GHR: variants seen among roughly 807,000 people sequenced by gnomAD.
The protein encoded by GHR is GH receptor.
Under a neutral mutation model 67.1 loss-of-function variants are expected in GHR, and 35 were observed. That is an observed-to-expected ratio of 0.52 (90% CI 0.40 to 0.69). The LOEUF is 0.69. Ranked by LOEUF, GHR falls within the 30% of genes least tolerant of loss-of-function variation. GHR has a pLI of 0.00. For synonymous variants in GHR, 272 were observed against 269.1 expected (o/e 1.01, Z -0.10); for missense variants, 792 against 764.6 (o/e 1.04, Z -0.42).
rs935411570 is a variant in GHR, at chr5:42,424,764, G to C, written c.-12+809G>C. Among the ~76,000 whole-genome samples the C allele has an allele frequency of 6.6e-6, 1 of 152,242 alleles. No homozygotes were observed. Among genetic ancestry groups the C allele is most frequent in the Non-Finnish European group, 1.5e-5 (1 of 68,050 alleles). On this transcript the variant is annotated intron_variant, in intron 1 of 9. Transcript: ENST00000230882. This position sits in a 1 kb window ranked among gnomAD's most constrained non-coding sequence, Gnocchi z 4.1. The stretch of plus-strand genomic sequence containing the variant: ...TGGCGGCGCAGAGGGTGCGGGGCAG[G>C]GCACTTGCGAGTGCGTGGGGAAGTC...
At chr5:42,643,967 T>C (rs1754606259) in intron 3 of GHR, among the ~76,000 whole-genome samples, 1 of 152,178 alleles carries the variant, frequency 6.6e-6, no homozygotes, top group African/African-American at 2.4e-5. Flanking sequence ...CATTTGAGAA[T>C]AACTGAATAG....
At chr5:42,644,820 A>G (rs1328116943) in intron 3 of GHR, among the ~76,000 whole-genome samples, 1 of 152,126 alleles carries the variant, frequency 6.6e-6, no homozygotes, top group Admixed American at 6.5e-5. Context: ...CATATTTTCT[A>G]TTTTTATGTT....
intron 1 of GHR, among the ~76,000 whole-genome samples, chr5:42,559,101 C>G (rs1264055493): frequency 6.6e-6 from 1 of 152,114 alleles, no homozygotes; most frequent in Non-Finnish European, 1.5e-5. Context: ...CTGTTATAGA[C>G]TTACATATTT....
At chr5:42,564,100 A>C (rs1037848539) in intron 1 of GHR, among the ~76,000 whole-genome samples, 1 of 151,388 alleles carries the variant, frequency 6.6e-6, no homozygotes, top group Non-Finnish European at 1.5e-5. Context: ...AAATCTCACA[A>C]AGTGTGAGAT....
intron 1 of GHR, among the ~76,000 whole-genome samples, chr5:42,446,764 G>A (rs1743821932): frequency 6.6e-6 from 1 of 152,178 alleles, no homozygotes; most frequent in African/African-American, 2.4e-5. Flanking sequence ...CAAATCTTTT[G>A]AGATGTCAGT....
intron 1 of GHR, among the ~76,000 whole-genome samples, chr5:42,540,168 G>T (rs1748438509): frequency 6.8e-6 from 1 of 146,232 alleles, no homozygotes; most frequent in Non-Finnish European, 1.5e-5. Context: ...TACTTGAATG[G>T]GATGTGTTAC....
intron 1 of GHR, chr5:42,565,572 T>C: frequency 1.0e-6 from 1 of 985,074 alleles, no homozygotes. Flanking sequence ...TGCATGGGGG[T>C]CGTTTGCTGT....
intron 1 of GHR, among the ~76,000 whole-genome samples, chr5:42,540,592 G>T (rs1282746254): frequency 6.6e-6 from 1 of 152,020 alleles, no homozygotes; most frequent in Admixed American, 6.6e-5. Context: ...TTATGATCAG[G>T]CTGAGCTTCA....
At chr5:42,519,569 T>G (rs1319249466) in intron 1 of GHR, among the ~76,000 whole-genome samples, 1 of 152,236 alleles carries the variant, frequency 6.6e-6, no homozygotes, top group Non-Finnish European at 1.5e-5. Flanking sequence ...TCATCCCAAG[T>G]TACCAAGAGG....
At chr5:42,454,340 G>A (rs1744171888) in intron 1 of GHR, among the ~76,000 whole-genome samples, 1 of 152,216 alleles carries the variant, frequency 6.6e-6, no homozygotes, top group East Asian at 1.9e-4. Flanking sequence ...GGATGTTGCA[G>A]GCAGTGATAT....
intron 1 of GHR, among the ~76,000 whole-genome samples, chr5:42,439,863 C>G (rs1380120186): frequency 1.3e-5 from 2 of 152,178 alleles, no homozygotes; most frequent in Admixed American, 1.3e-4. Flanking sequence ...GATTGTAGAA[C>G]ACAGATCAAA....
At chr5:42,472,654 T>A (rs1401532850) in intron 1 of GHR, among the ~76,000 whole-genome samples, 1 of 152,200 alleles carries the variant, frequency 6.6e-6, no homozygotes, top group Non-Finnish European at 1.5e-5. Flanking sequence ...GAGTGGTGGA[T>A]GGGTGACTAA....
intron 2 of GHR, among the ~76,000 whole-genome samples, chr5:42,568,785 A>T (rs1431385079): frequency 6.6e-6 from 1 of 152,232 alleles, no homozygotes; most frequent in Non-Finnish European, 1.5e-5. Context: ...AATGGTCAAG[A>T]TGCCCTGAAA....
intron 3 of GHR, among the ~76,000 whole-genome samples, chr5:42,633,744 T>C (rs1754035887): frequency 6.6e-6 from 1 of 152,226 alleles, no homozygotes; most frequent in African/African-American, 2.4e-5. Flanking sequence ...GCATTCATCT[T>C]ACACACTTTT....
chr5:42,493,598 A>G (rs1746203801), intron 1 of GHR, among the ~76,000 whole-genome samples: 2 of 152,310 alleles, frequency 1.3e-5, no homozygotes, highest in East Asian at 1.9e-4. Context: ...TGGGATCTAT[A>G]TAGAGTGATA....
At chr5:42,686,507 T>C (rs577574772) in intron 3 of GHR, among the ~76,000 whole-genome samples, 2 of 152,232 alleles carry the variant, frequency 1.3e-5, no homozygotes, top group Non-Finnish European at 2.9e-5. Context: ...ATCCCTGGAA[T>C]GCAAGGCTGG....
At position 42,611,455 on chromosome 5, in the gene GHR, A is replaced by G. The variant is rs114808940; in HGVS notation, c.71-17583A>G. Among the ~76,000 whole-genome samples the G allele has an allele frequency of 4.3e-3, 661 of 152,170 alleles. 4 individuals are homozygous for G. The highest frequency in any genetic ancestry group is 0.015 in the African/African-American group (639 of 41,510). ...TACCCACCACTATCTCTTTGTTCAT[A>G]CTGTTCTCTTCAACTAAGGTTAATT... On this transcript the variant is annotated intron_variant, in intron 2 of 9. Transcript: ENST00000230882.
intron 3 of GHR, among the ~76,000 whole-genome samples, chr5:42,661,777 A>G (rs6893384): frequency 0.066 from 10,095 of 152,230 alleles, 399 homozygotes; most frequent in Middle Eastern, 0.14. Flanking sequence ...ATGTAAATGG[A>G]CTAAATGCTC....
At position 42,565,898 on chromosome 5, in the gene GHR, G is replaced by T; in HGVS notation, c.24G>T (p.Leu8Phe). The T allele has an allele frequency of 6.2e-7, 1 of 1,614,054 alleles. No individual in the cohort carries two copies. The highest frequency in any genetic ancestry group is 1.1e-5 in the South Asian group (1 of 91,058). Residue 8 changes from leucine (L) to phenylalanine (F), a missense_variant, in exon 2 of 10, where the codon TTG becomes TTT. Transcript: ENST00000230882. ...GTATGGATCTCTGGCAGCTGCTGTTGACCTTGGCACTGGCAGGATCAAGTG... is the reference window on the plus strand; with the variant it reads ...GTATGGATCTCTGGCAGCTGCTGTTTACCTTGGCACTGGCAGGATCAAGTG... MDLWQLL[L>F]TLALAGSSDA...
Sources: gnomAD v4.1 joint callset for allele counts (sites outside exome capture counted in the v4.1 genomes callset) on GRCh38, gnomAD v4.1.1 for gene constraint, Gnocchi (gnomAD v3.1) non-coding constraint, MANE v1.5 for transcripts, NCBI Gene and HGNC (gene_info 2026-07-23, HGNC 2026-07-21) for gene names.